The following CACNB2 variants were observed in gnomAD, a reference collection of about 807,000 sequenced individuals.
The protein encoded by CACNB2 is calcium voltage-gated channel auxiliary subunit beta 2.
CACNB2 carries 42 observed loss-of-function variants against 73.3 expected under a neutral mutation model. The ratio of observed to expected loss-of-function variants is 0.57; its 90% CI spans 0.45 to 0.74. The LOEUF (loss-of-function observed/expected upper bound fraction) is 0.74, where lower values mean the gene tolerates loss of function less well. Ranked by LOEUF, CACNB2 falls within the 30% of genes least tolerant of loss-of-function variation. The pLI is 0.00. For missense variants in CACNB2, 940 were observed against 853.0 expected (o/e 1.10, Z -1.27); for synonymous variants, 348 against 310.3 (o/e 1.12, Z -1.28).
chr10:18,191,920 A>C (rs2482101), intron 2 of CACNB2, among the ~76,000 whole-genome samples: 127,681 of 152,074 alleles, frequency 0.84, 54,314 homozygotes, highest in East Asian at 0.9. Context: ...GTGTCTTTTT[A>C]ATATAATGTC....
chr10:18,304,695 G>C (rs1329152712), intron 2 of CACNB2, among the ~76,000 whole-genome samples: 1 of 152,184 alleles, frequency 6.6e-6, no homozygotes, highest in Non-Finnish European at 1.5e-5. Flanking sequence ...TCTGTATTCT[G>C]TATAAAGCTC....
At chr10:18,484,779 C>G (rs1181312467) in intron 3 of CACNB2, among the ~76,000 whole-genome samples, 1 of 152,134 alleles carries the variant, frequency 6.6e-6, no homozygotes, top group Non-Finnish European at 1.5e-5. Flanking sequence ...TGTATTTACC[C>G]CTTTGCTTAA....
chr10:18,203,915 A>G (rs1490945438), intron 2 of CACNB2, among the ~76,000 whole-genome samples: 2 of 152,158 alleles, frequency 1.3e-5, no homozygotes, highest in Admixed American at 1.3e-4. Context: ...GTGATTGTTC[A>G]TTTGTGCATA....
intron 2 of CACNB2, among the ~76,000 whole-genome samples, chr10:18,163,279 G>C (rs1328539307): frequency 1.3e-5 from 2 of 152,142 alleles, no homozygotes; most frequent in Non-Finnish European, 2.9e-5. Context: ...TGAAGACCTT[G>C]ACAGATTAAT....
At chr10:18,286,343 C>T (rs1318641963) in intron 2 of CACNB2, among the ~76,000 whole-genome samples, 2 of 151,636 alleles carry the variant, frequency 1.3e-5, no homozygotes, top group Admixed American at 6.6e-5. Flanking sequence ...GGTGAAACCC[C>T]GTCTCTACTA....
intron 2 of CACNB2, among the ~76,000 whole-genome samples, chr10:18,335,090 C>T (rs1326234831): frequency 1.3e-5 from 2 of 150,212 alleles, no homozygotes; most frequent in East Asian, 2.0e-4. Context: ...ACCTAAGTTA[C>T]AGACATCTAA....
At chr10:18,191,399 G>T (rs1007946480) in intron 2 of CACNB2, among the ~76,000 whole-genome samples, 3 of 152,158 alleles carry the variant, frequency 2.0e-5, no homozygotes, top group Non-Finnish European at 2.9e-5. Context: ...ATTGATGAAG[G>T]TGGGAAGAAG....
chr10:18,175,886 CT>C (rs2033560807), intron 2 of CACNB2, among the ~76,000 whole-genome samples: 1 of 152,218 alleles, frequency 6.6e-6, no homozygotes, highest in African/African-American at 2.4e-5. Flanking sequence ...GCATGAGCCG[CT>C]GCACCCGGCC....
intron 3 of CACNB2, among the ~76,000 whole-genome samples, chr10:18,424,179 G>C (rs892072016): frequency 2.0e-5 from 3 of 152,158 alleles, no homozygotes; most frequent in African/African-American, 7.2e-5. Flanking sequence ...AGCCCACTGA[G>C]TTCTTGGATT....
intron 2 of CACNB2, chr10:18,261,410 C>G (rs1253173482): frequency 5.2e-6 from 8 of 1,526,442 alleles, no homozygotes; most frequent in Non-Finnish European, 7.1e-6. Flanking sequence ...TGTTTTTATT[C>G]CCTGTGCTGA....
chr10:18,190,598 G>A (rs1384535175), intron 2 of CACNB2, among the ~76,000 whole-genome samples: 2 of 152,142 alleles, frequency 1.3e-5, no homozygotes, highest in Non-Finnish European at 2.9e-5. Context: ...GCAAAAAGTA[G>A]CAAATGCCCA....
At chr10:18,201,516 C>A (rs1468508280) in intron 2 of CACNB2, among the ~76,000 whole-genome samples, 2 of 152,264 alleles carry the variant, frequency 1.3e-5, no homozygotes, top group East Asian at 1.9e-4. Flanking sequence ...CTCATGTGAT[C>A]CTCCCACCTT....
intron 2 of CACNB2, among the ~76,000 whole-genome samples, chr10:18,262,397 T>C (rs1335822443): frequency 6.6e-6 from 1 of 152,132 alleles, no homozygotes; most frequent in Non-Finnish European, 1.5e-5. Context: ...AGTAAAAGCA[T>C]GAAAAACCCC....
At chr10:18,442,946 ATATATATATATG>A (rs1269946436) in intron 3 of CACNB2, among the ~76,000 whole-genome samples, 8 of 58,246 alleles carry the variant, frequency 1.4e-4, no homozygotes, top group Admixed American at 3.9e-4. Flanking sequence ...ATATATGTGT[ATATATATATATG>A]TATATATATA....
At position 18,335,561 on chromosome 10, in the gene CACNB2, G is replaced by A. The variant is rs577582083; in HGVS notation, c.214-66363G>A. On this transcript the variant is annotated intron_variant, in intron 2 of 13. Transcript: ENST00000324631. The stretch of plus-strand genomic sequence containing the variant: ...TTGAGCCAAGACGCTCTCCAGCCTG[G>A]GCAACAGAGCGAGACTCTGTCTCAA... 1.4e-3 allele frequency among the ~76,000 whole-genome samples: 210 copies of A among 152,144 alleles called. 2 individuals carry two copies. Among genetic ancestry groups the A allele is most frequent in the Non-Finnish European group, 4.9e-4 (33 of 68,002 alleles).
chr10:18,140,881 C>T lies in CACNB2; in HGVS notation c.120+25C>T, dbSNP rs775057010. ...GGTAGCGAGAGCGCGGCGCCTTCTC[C>T]TTCCTTTGTGAGCCGCCGGGCAGGG... On this transcript the variant is annotated intron_variant, in intron 1 of 13. Coordinates refer to ENST00000324631, the MANE Select transcript of CACNB2 (RefSeq NM_201596.3). 25 of 1,579,584 alleles carry T rather than the reference C, an allele frequency of 1.6e-5. No homozygotes were observed. The Admixed American group carries it at 2.9e-4, about 19-fold the overall frequency.
At chr10:18,352,127 C>T (rs999368673) in intron 2 of CACNB2, among the ~76,000 whole-genome samples, 4 of 152,322 alleles carry the variant, frequency 2.6e-5, no homozygotes, top group African/African-American at 9.6e-5. Context: ...CTTAAAAGTA[C>T]ATTTTTGCAT....
intron 2 of CACNB2, among the ~76,000 whole-genome samples, chr10:18,298,821 G>A (rs2039383544): frequency 6.6e-6 from 1 of 152,174 alleles, no homozygotes; most frequent in African/African-American, 2.4e-5. Flanking sequence ...GAGGTAATAA[G>A]AATGGCGGGT....
intron 2 of CACNB2, among the ~76,000 whole-genome samples, chr10:18,239,872 G>A (rs1247098966): frequency 1.3e-5 from 2 of 152,076 alleles, no homozygotes; most frequent in African/African-American, 2.4e-5. Flanking sequence ...TCAAATAAGA[G>A]CTTGTGAAAT....
Sources: gnomAD v4.1 joint callset for allele counts (sites outside exome capture counted in the v4.1 genomes callset) on GRCh38, gnomAD v4.1.1 for gene constraint, MANE v1.5 for transcripts, NCBI Gene and HGNC (gene_info 2026-07-23, HGNC 2026-07-21) for gene names.